Variants in STARD13 observed in about 807,000 individuals in gnomAD.
The protein encoded by STARD13 is StAR related lipid transfer domain containing 13.
Under a neutral mutation model 106.4 loss-of-function variants are expected in STARD13, and 62 were observed. The observed-to-expected ratio is 0.58, with a 90% CI of 0.48 to 0.72. STARD13 has a LOEUF of 0.72. Among genes scored for constraint, STARD13 ranks in the 30% least tolerant of loss-of-function variants. The pLI, the probability that STARD13 is intolerant of heterozygous loss-of-function variation, is 0.00. For synonymous variants in STARD13, 565 were observed against 553.0 expected, an observed-to-expected ratio of 1.02 and a Z score of -0.31; for missense variants, 1,387 against 1,424.0, an observed-to-expected ratio of 0.97 and a Z score of 0.42.
At chr13:33,584,877 C>T in the STARD13 span, among the ~76,000 whole-genome samples, 8 of 152,114 alleles carry the variant, frequency 5.3e-5, no homozygotes, top group South Asian at 1.0e-3. Flanking sequence ...GGTACCCTCT[C>T]TCTTTCTTGC....
chr13:33,296,077 AAGTT>A (rs1270446710), intron 1 of STARD13, among the ~76,000 whole-genome samples: 4 of 151,992 alleles, frequency 2.6e-5, no homozygotes, highest in Non-Finnish European at 5.9e-5. Flanking sequence ...AAAAAAGAAA[AAGTT>A]AGTTGGGCAT....
the STARD13 span, among the ~76,000 whole-genome samples, chr13:33,405,121 C>T: frequency 3.9e-5 from 6 of 152,156 alleles, no homozygotes; most frequent in African/African-American, 1.2e-4. Context: ...GAAATTCTGA[C>T]GCCCCTGTCC....
chr13:33,433,182 A>G, the STARD13 span, among the ~76,000 whole-genome samples: 1 of 152,216 alleles, frequency 6.6e-6, no homozygotes, highest in Non-Finnish European at 1.5e-5. Context: ...TCTTTTAACA[A>G]GATAATATTG....
At chr13:33,319,004 G>T (rs1455553065) in intron 1 of STARD13, among the ~76,000 whole-genome samples, 2 of 152,104 alleles carry the variant, frequency 1.3e-5, no homozygotes. Flanking sequence ...TCCTCAAGAA[G>T]TTAGACACAG....
chr13:33,214,795 T>G (rs1409211914), intron 1 of STARD13, among the ~76,000 whole-genome samples: 1 of 151,820 alleles, frequency 6.6e-6, no homozygotes, highest in Non-Finnish European at 1.5e-5. Flanking sequence ...TGTATGAGTT[T>G]CTAAAACAAC....
chr13:33,312,935 A>G (rs956268076), intron 1 of STARD13, among the ~76,000 whole-genome samples: 2 of 152,248 alleles, frequency 1.3e-5, no homozygotes, highest in Admixed American at 6.5e-5. Flanking sequence ...CTAAGTAATA[A>G]CATTGTTCCT....
intron 1 of STARD13, among the ~76,000 whole-genome samples, chr13:33,177,415 C>A (rs1884628618): frequency 6.6e-6 from 1 of 152,120 alleles, no homozygotes; most frequent in African/African-American, 2.4e-5. Flanking sequence ...AAAAATGCAA[C>A]CAATCCTTTC....
chr13:33,379,919 T>C, the STARD13 span, among the ~76,000 whole-genome samples: 3 of 152,190 alleles, frequency 2.0e-5, no homozygotes, highest in South Asian at 2.1e-4. Context: ...CTATGCTAAG[T>C]GCTAAGGATG....
chr13:33,350,677 T>C, upstream of STARD13: 1 of 1,154,522 alleles, frequency 8.7e-7, no homozygotes, highest in South Asian at 2.9e-5. Flanking sequence ...ACTTTCCTTC[T>C]CCTCCCCTCC....
the STARD13 span, among the ~76,000 whole-genome samples, chr13:33,385,145 A>ATC: frequency 7.0e-6 from 1 of 142,192 alleles, no homozygotes; most frequent in Non-Finnish European, 1.5e-5. Context: ...ATATATATAT[A>ATC]TGCATGTCTG....
At chr13:33,546,560 A>C in the STARD13 span, among the ~76,000 whole-genome samples, 1 of 152,310 alleles carries the variant, frequency 6.6e-6, no homozygotes, top group Non-Finnish European at 1.5e-5. Context: ...TTTGGAAATA[A>C]GTTTGAATTG....
chr13:33,504,707 A>G, the STARD13 span, among the ~76,000 whole-genome samples: 4 of 152,142 alleles, frequency 2.6e-5, no homozygotes, highest in Non-Finnish European at 5.9e-5. Flanking sequence ...ATACCTATGT[A>G]ACAAACCTGG....
the STARD13 span, among the ~76,000 whole-genome samples, chr13:33,609,564 T>C: frequency 0.13 from 20,365 of 151,254 alleles, 2,190 homozygotes; most frequent in African/African-American, 0.28. Flanking sequence ...CTAATTTCTT[T>C]CTTTCTTTTT....
At chr13:33,563,862 A>G in the STARD13 span, among the ~76,000 whole-genome samples, 1 of 147,542 alleles carries the variant, frequency 6.8e-6, no homozygotes, top group African/African-American at 2.5e-5. Context: ...TAAGGAGCTC[A>G]AACAACTTAG....
intron 1 of STARD13, among the ~76,000 whole-genome samples, chr13:33,226,639 T>G (rs1888642283): frequency 6.6e-6 from 1 of 152,114 alleles, no homozygotes; most frequent in Admixed American, 6.5e-5. Context: ...TTCACCATGT[T>G]GGCCAGGCTG....
rs992860554 is a variant in STARD13 at position 33,104,629 on chromosome 13, T to C, written c.*964A>G. 1 of 152,794 alleles carries C rather than the reference T, an allele frequency of 6.5e-6. No individual in the cohort carries two copies. Among genetic ancestry groups the C allele is most frequent in the African/African-American group, 2.4e-5 (1 of 41,454 alleles). 9.5% of individuals were successfully genotyped at this position (152,794 alleles called of 1,614,324 possible). A position where few individuals can be genotyped will look rare whatever the true frequency, so the allele number is the denominator to read the frequency against. The stretch of plus-strand genomic sequence containing the variant: ...GTGACCAAATAGGCCACTGGTCAAA[T>C]AGAATGACATTTAATAACATTATGA... On this transcript the variant is annotated 3_prime_UTR_variant, in exon 14 of 14. Transcript: ENST00000336934.
the STARD13 span, among the ~76,000 whole-genome samples, chr13:33,509,362 C>T: frequency 3.2e-4 from 48 of 152,186 alleles, no homozygotes; most frequent in Non-Finnish European, 4.4e-4. Flanking sequence ...TAAATCTCTG[C>T]CCCATGCTAA....
the STARD13 span, among the ~76,000 whole-genome samples, chr13:33,605,530 C>CA: frequency 7.9e-5 from 12 of 151,754 alleles, no homozygotes; most frequent in Admixed American, 2.0e-4. Context: ...ACAACAACAA[C>CA]AAAAAAATGC....
intron 3 of STARD13, among the ~76,000 whole-genome samples, chr13:33,154,509 A>G (rs888457117): frequency 1.3e-5 from 2 of 152,230 alleles, no homozygotes; most frequent in African/African-American, 4.8e-5. Context: ...GTGCAAGAAA[A>G]TAAATGTAAA....
Sources: gnomAD v4.1 joint callset for allele counts (sites outside exome capture counted in the v4.1 genomes callset) on GRCh38, gnomAD v4.1.1 for gene constraint, MANE v1.5 for transcripts, NCBI Gene and HGNC (gene_info 2026-07-23, HGNC 2026-07-21) for gene names.